CCNB1IP1: variants seen among roughly 807,000 people sequenced by gnomAD.
CCNB1IP1 encodes cyclin B1 interacting protein 1, also known as E3 ubiquitin-protein ligase CCNB1IP1.
CCNB1IP1 carries 14 observed loss-of-function variants against 25.6 expected under a neutral mutation model. The observed-to-expected ratio is 0.55, with a 90% confidence interval of 0.36 to 0.85. CCNB1IP1 has a LOEUF of 0.85. CCNB1IP1 is among the 40% of genes least tolerant of loss of function. The pLI is 0.01. For synonymous variants in CCNB1IP1, 119 were observed against 116.1 expected, an observed-to-expected ratio of 1.02 and a Z score of -0.16; for missense variants, 278 against 342.4, an observed-to-expected ratio of 0.81 and a Z score of 1.48.
rs201084023 is a variant in CCNB1IP1 at position 20,316,362 on chromosome 14, G to A, written c.162C>T (p.Thr54=). Residue 54 remains threonine, a synonymous_variant, in exon 5 of 7, where the codon ACC becomes ACT. Coordinates refer to ENST00000358932, the MANE Select transcript of CCNB1IP1 (RefSeq NM_021178.5). The part of the protein sequence containing the change: ...SPAICPACNS[T]LSGKLDIVRT... ...GGACAATATCTAGCTTTCCAGAAAG[G>A]GTACTGTTGCAGGCAGGACAGATAG... 2.4e-4 allele frequency: 392 copies of A among 1,613,918 alleles called. 3 individuals are homozygous for A. The South Asian group carries it at 2.4e-3, about 10-fold the overall frequency.
At chr14:20,315,531 TAAG>T (rs1284764393) in intron 5 of CCNB1IP1, 1 of 1,197,894 alleles carries the variant, frequency 8.3e-7, no homozygotes, top group Non-Finnish European at 1.1e-6. Flanking sequence ...CAAACATCCT[TAAG>T]AAGTATAAGT....
intron 6 of CCNB1IP1, among the ~76,000 whole-genome samples, chr14:20,313,032 G>A (rs914778270): frequency 5.9e-5 from 9 of 152,080 alleles, no homozygotes; most frequent in Non-Finnish European, 1.3e-4. Context: ...TAGTGATATT[G>A]ACCAAATTAC....
chr14:20,314,245 A>G (rs1882603261), intron 5 of CCNB1IP1: 1 of 154,076 alleles, frequency 6.5e-6, no homozygotes, highest in Admixed American at 6.4e-5. Flanking sequence ...ACTACAGAAA[A>G]TGTGACAGGT....
At chr14:20,318,009 A>C (rs1882771333) in intron 4 of CCNB1IP1, 1 of 152,226 alleles carries the variant, frequency 6.6e-6, no homozygotes, top group Admixed American at 6.5e-5. Context: ...AAACAGAGTG[A>C]CAGCTGTAAT....
In CCNB1IP1 at chr14:20,316,548, G is replaced by A. The variant is rs780719298; in HGVS notation, c.-25C>T. On this transcript the variant is annotated 5_prime_UTR_variant, in exon 5 of 7. Transcript: ENST00000358932. ...TAATAGGATAGTGAGGTCTCCAGAAGCTGAAGAGAGGCCTAAGAAGGGGTA... is the reference window on the plus strand; with the variant it reads ...TAATAGGATAGTGAGGTCTCCAGAAACTGAAGAGAGGCCTAAGAAGGGGTA... 14 of 1,582,682 alleles carry A rather than the reference G, an allele frequency of 8.8e-6. No individual in the cohort carries two copies. The Admixed American group carries it at 1.7e-4, about 19-fold the overall frequency.
chr14:20,328,996 T>G (rs1347339439), intron 2 of CCNB1IP1, among the ~76,000 whole-genome samples, 178 bp downstream of exon 2: 1 of 152,210 alleles, frequency 6.6e-6, no homozygotes, highest in African/African-American at 2.4e-5. Context: ...AACAGATGCT[T>G]CATGAAGGCC....
intron 6 of CCNB1IP1, 61 bp from the exon 7 acceptor site, chr14:20,311,813 C>A: frequency 9.5e-7 from 1 of 1,053,100 alleles, no homozygotes; most frequent in Non-Finnish European, 1.4e-6. Context: ...TAATCTACTT[C>A]AGAGGAATCA....
intron 4 of CCNB1IP1, among the ~76,000 whole-genome samples, chr14:20,322,286 G>T (rs1882917742): frequency 6.6e-6 from 1 of 152,002 alleles, no homozygotes; most frequent in African/African-American, 2.4e-5. Context: ...GTCAATCAGG[G>T]CTTCCCCCAC....
At chr14:20,311,848 ATT>A (rs1188156013) in intron 6 of CCNB1IP1, 96 bp from the exon 7 acceptor site, 2 of 632,876 alleles carry the variant, frequency 3.2e-6, no homozygotes, top group African/African-American at 1.9e-5. Context: ...ATGAATATAT[ATT>A]TTTTCTCCAA....
At chr14:20,316,886 G>T (rs1413418329) in intron 4 of CCNB1IP1, among the ~76,000 whole-genome samples, 3 of 152,132 alleles carry the variant, frequency 2.0e-5, no homozygotes, top group African/African-American at 7.2e-5. Context: ...GGCAGGCGGG[G>T]TCCCTTCAGG....
intron 2 of CCNB1IP1, among the ~76,000 whole-genome samples, chr14:20,327,018 G>C (rs903075533): frequency 2.0e-5 from 3 of 152,090 alleles, no homozygotes; most frequent in African/African-American, 7.2e-5. Flanking sequence ...CAAGGTTACA[G>C]TGAGCTGTGA....
rs114341258 is a variant in CCNB1IP1 at position 20,313,321 on chromosome 14, T to C, written c.631+147A>G. 1,629 of 553,880 alleles carry C rather than the reference T, an allele frequency of 2.9e-3. 28 individuals carry two copies. The highest frequency in any genetic ancestry group is 0.026 in the African/African-American group (1,429 of 54,158). 34.3% of individuals were successfully genotyped at this position (553,880 alleles called of 1,614,324 possible). ...ATAGATAAAAGCAATGATGTACAGG[T>C]TGAAACATGGGTGAAGAATTCAGAG... On this transcript the variant is annotated intron_variant, in intron 6 of 6. Transcript: ENST00000358932.
At chr14:20,314,918 C>G (rs912689812) in intron 5 of CCNB1IP1, among the ~76,000 whole-genome samples, 1 of 150,722 alleles carries the variant, frequency 6.6e-6, no homozygotes, top group Non-Finnish European at 1.5e-5. Context: ...GGTGAAACCC[C>G]GCCTCTACTA....
intron 4 of CCNB1IP1, among the ~76,000 whole-genome samples, chr14:20,324,872 G>A (rs1465816272): frequency 6.6e-6 from 1 of 152,078 alleles, no homozygotes; most frequent in East Asian, 2.0e-4. Context: ...CCAGGCTGGA[G>A]TATAGTTGCG....
intron 4 of CCNB1IP1, chr14:20,318,250 A>AGG (rs1882781427): frequency 1.3e-5 from 2 of 152,188 alleles, no homozygotes; most frequent in South Asian, 4.1e-4. Context: ...GAGGCGGGCA[A>AGG]ATCACCTGAG....
intron 4 of CCNB1IP1, 68 bp downstream of exon 4, chr14:20,325,471 G>A (rs1038625966): frequency 6.8e-6 from 1 of 147,320 alleles, no homozygotes; most frequent in African/African-American, 2.5e-5. Context: ...TGGCCATGAA[G>A]TCACAAACCT....
chr14:20,322,990 T>C (rs1159452663), intron 4 of CCNB1IP1, among the ~76,000 whole-genome samples: 2 of 152,014 alleles, frequency 1.3e-5, no homozygotes, highest in African/African-American at 4.8e-5. Context: ...AGTAAACCAT[T>C]TAAAATTTGA....
intron 4 of CCNB1IP1, among the ~76,000 whole-genome samples, chr14:20,323,917 CAAAAA>C (rs59156707): frequency 2.7e-5 from 2 of 73,718 alleles, no homozygotes; most frequent in Non-Finnish European, 5.0e-5. Context: ...GACTCCGTCT[CAAAAA>C]AAAAAAAAAA....
intron 2 of CCNB1IP1, among the ~76,000 whole-genome samples, chr14:20,327,540 A>G (rs1883113306): frequency 6.7e-6 from 1 of 149,984 alleles, no homozygotes. Context: ...CAGGTCAAAT[A>G]CATACTAGAT....
Sources: allele counts gnomAD v4.1 joint callset (sites outside exome capture counted in the v4.1 genomes callset), GRCh38; gene constraint gnomAD v4.1.1; transcripts MANE v1.5; gene names NCBI Gene and HGNC (gene_info 2026-07-23, HGNC 2026-07-21).